KLHL32: variants seen among roughly 807,000 people sequenced by gnomAD.
KLHL32 encodes kelch-like protein 32.
In KLHL32, 35 loss-of-function variants were observed where a neutral mutation model predicts 64.8. That is an observed-to-expected ratio of 0.54 (90% CI 0.41 to 0.72). The LOEUF is 0.72. Among genes scored for constraint, KLHL32 ranks in the 30% least tolerant of loss-of-function variants. KLHL32 has a pLI of 0.00. For synonymous variants in KLHL32, 259 were observed against 281.0 expected (o/e 0.92, Z 0.78); for missense variants, 589 against 768.5 (o/e 0.77, Z 2.76).
chr6:97,001,598 G>T (rs1387776719), intron 3 of KLHL32, among the ~76,000 whole-genome samples: 1 of 152,126 alleles, frequency 6.6e-6, no homozygotes, highest in Non-Finnish European at 1.5e-5. Context: ...CTCACGAGTA[G>T]TTGAGACCAC....
intron 9 of KLHL32, among the ~76,000 whole-genome samples, chr6:97,131,431 C>T (rs1425408057): frequency 1.3e-5 from 2 of 152,134 alleles, no homozygotes; most frequent in African/African-American, 4.8e-5. Flanking sequence ...TTAAGTGGTT[C>T]TGTACACAGG....
At chr6:97,130,585 T>G (rs1330133009) in intron 8 of KLHL32, among the ~76,000 whole-genome samples, 172 bp from the exon 9 acceptor site, 1 of 152,212 alleles carries the variant, frequency 6.6e-6, no homozygotes, top group Non-Finnish European at 1.5e-5. Flanking sequence ...CTTTTGTACT[T>G]GTTCTCATGT....
chr6:97,022,272 G>A (rs538804595), intron 3 of KLHL32, among the ~76,000 whole-genome samples: 4 of 150,466 alleles, frequency 2.7e-5, no homozygotes, highest in Non-Finnish European at 5.9e-5. Flanking sequence ...CTCAACCTCC[G>A]TCCATTCCAG....
chr6:97,079,457 A>C (rs1792137877), intron 5 of KLHL32, among the ~76,000 whole-genome samples: 1 of 152,214 alleles, frequency 6.6e-6, no homozygotes, highest in South Asian at 2.1e-4. Context: ...ATATAAACCA[A>C]AATAAAACAA....
intron 3 of KLHL32, among the ~76,000 whole-genome samples, chr6:97,009,695 A>T (rs1022992152): frequency 4.6e-5 from 7 of 152,216 alleles, no homozygotes; most frequent in Admixed American, 2.0e-4. Flanking sequence ...GTGAAATGTG[A>T]TCTTGCTGGA....
chr6:97,066,281 A>G (rs2128156264), intron 5 of KLHL32, among the ~76,000 whole-genome samples: 1 of 152,320 alleles, frequency 6.6e-6, no homozygotes, highest in African/African-American at 2.4e-5. Flanking sequence ...CATGATGTAC[A>G]TTATAAATGG....
intron 6 of KLHL32, among the ~76,000 whole-genome samples, chr6:97,102,876 A>G (rs1272238710): frequency 6.6e-6 from 1 of 151,934 alleles, no homozygotes; most frequent in Non-Finnish European, 1.5e-5. Context: ...GTACACGTGA[A>G]GGTTTCTTAT....
intron 1 of KLHL32, among the ~76,000 whole-genome samples, chr6:96,932,575 CT>C (rs774478104): frequency 6.4e-4 from 47 of 73,814 alleles, no homozygotes; most frequent in South Asian, 2.5e-3. Flanking sequence ...CCCCCCCCCC[CT>C]TTTTTTTTTT....
intron 1 of KLHL32, among the ~76,000 whole-genome samples, chr6:96,948,825 C>A (rs1193341213): frequency 6.6e-6 from 1 of 152,072 alleles, no homozygotes; most frequent in Non-Finnish European, 1.5e-5. Context: ...TCGAGCTCAC[C>A]CAAGCCTATT....
At chr6:96,962,932 A>G (rs1774029900) in intron 1 of KLHL32, among the ~76,000 whole-genome samples, 1 of 152,224 alleles carries the variant, frequency 6.6e-6, no homozygotes, top group Non-Finnish European at 1.5e-5. Flanking sequence ...AAAGACTGAA[A>G]TTTGTGGTAC....
rs79239014 is a variant in KLHL32, at chr6:96,953,903, C to T, written c.-65-13093C>T. 7.1e-3 allele frequency among the ~76,000 whole-genome samples: 1,075 copies of T among 150,466 alleles called. 25 individuals carry two copies. The highest frequency in any genetic ancestry group is 0.025 in the African/African-American group (1,028 of 40,918). On this transcript the variant is annotated intron_variant, in intron 1 of 10. Transcript: ENST00000369261. ...TTATATTGTTATCAACAATTCAATCCTCAAACTCTCCTCTAGCTGTAAATT... is the reference window on the plus strand; with the variant it reads ...TTATATTGTTATCAACAATTCAATCTTCAAACTCTCCTCTAGCTGTAAATT...
chr6:97,009,493 G>A (rs1157908741), intron 3 of KLHL32, among the ~76,000 whole-genome samples: 3 of 152,104 alleles, frequency 2.0e-5, no homozygotes, highest in Non-Finnish European at 2.9e-5. Flanking sequence ...TTGCAATAGA[G>A]CACTTGTATA....
intron 7 of KLHL32, among the ~76,000 whole-genome samples, chr6:97,126,488 G>T (rs951082277): frequency 2.0e-5 from 3 of 151,914 alleles, no homozygotes. Flanking sequence ...GAAGTGTGAT[G>T]ATTTTTTAGT....
chr6:96,965,364 G>T (rs1774340245), intron 1 of KLHL32, among the ~76,000 whole-genome samples: 1 of 151,966 alleles, frequency 6.6e-6, no homozygotes, highest in Non-Finnish European at 1.5e-5. Flanking sequence ...TTAGTGAGTT[G>T]GTCTCCAAAC....
intron 3 of KLHL32, among the ~76,000 whole-genome samples, chr6:97,022,470 A>ATTTTTTTTTTTTTTTTTT (rs145998879): frequency 7.2e-6 from 1 of 138,970 alleles, no homozygotes; most frequent in African/African-American, 2.8e-5. Flanking sequence ...ATAACACCTA[A>ATTTTTTTTTTTTTTTTTT]TTTTTTTTTT....
chr6:96,925,935 A>T (rs888676793), intron 1 of KLHL32, among the ~76,000 whole-genome samples: 1 of 152,104 alleles, frequency 6.6e-6, no homozygotes, highest in African/African-American at 2.4e-5. Context: ...GCTTATATGA[A>T]AGTGCAGTGG....
chr6:97,111,787 A>G (rs969177553), intron 6 of KLHL32, among the ~76,000 whole-genome samples: 1 of 152,146 alleles, frequency 6.6e-6, no homozygotes, highest in Non-Finnish European at 1.5e-5. Flanking sequence ...TTTATTGCCA[A>G]TGAAAGTGAC....
In KLHL32 at chr6:97,035,620, T is replaced by G. The variant is rs570796940; in HGVS notation, c.205-5872T>G. Among the ~76,000 whole-genome samples the G allele has an allele frequency of 4.6e-5, 7 of 152,210 alleles. No individual in the cohort carries two copies. The South Asian group carries it at 1.5e-3, about 32-fold the overall frequency. Reference sequence around the variant, plus strand: ...TTGCCAGATATTGTATACTTGGCAGTTTTTTTCTTTCAGTATTTTGAATGT... The same window carrying G: ...TTGCCAGATATTGTATACTTGGCAGGTTTTTTCTTTCAGTATTTTGAATGT... On this transcript the variant is annotated intron_variant, in intron 3 of 10. Transcript: ENST00000369261.
At chr6:97,028,521 T>C (rs1359045517) in intron 3 of KLHL32, among the ~76,000 whole-genome samples, 1 of 152,236 alleles carries the variant, frequency 6.6e-6, no homozygotes, top group African/African-American at 2.4e-5. Flanking sequence ...CCTTTTCTGA[T>C]ATCACTGTTC....
Sources: allele counts gnomAD v4.1 joint callset (sites outside exome capture counted in the v4.1 genomes callset), GRCh38; gene constraint gnomAD v4.1.1; transcripts MANE v1.5; gene names NCBI Gene and HGNC (gene_info 2026-07-23, HGNC 2026-07-21).